The following RNF144B variants were observed in gnomAD, a reference collection of about 807,000 sequenced individuals.
RNF144B encodes the protein ring finger protein 144B, also known as E3 ubiquitin-protein ligase RNF144B.
Under a neutral mutation model 40.2 loss-of-function variants are expected in RNF144B, and 25 were observed. That is an observed-to-expected ratio of 0.62 (90% CI 0.45 to 0.87). The LOEUF is 0.87. Ranked by LOEUF, RNF144B falls within the 40% of genes least tolerant of loss-of-function variation. RNF144B has a pLI of 0.00. For synonymous variants in RNF144B, 145 were observed against 136.3 expected (o/e 1.06, Z -0.44); for missense variants, 365 against 373.7 (o/e 0.98, Z 0.19).
chr6:18,446,246 A>C lies in RNF144B; in HGVS notation c.331+6502A>C, dbSNP rs1208783788. ...GTATATAAGACAAAACTATTCTCTTAATGGGATACTGGAATTATAATACAT... is the reference window on the plus strand; with the variant it reads ...GTATATAAGACAAAACTATTCTCTTCATGGGATACTGGAATTATAATACAT... On this transcript the variant is annotated intron_variant, in intron 4 of 7. Transcript: ENST00000259939. The surrounding 1 kb of genome is among the most constrained non-coding windows in gnomAD (Gnocchi z 4.7). Among the ~76,000 whole-genome samples, 1 of 152,172 alleles carries C rather than the reference A, an allele frequency of 6.6e-6. No homozygotes were observed. The highest frequency in any genetic ancestry group is 1.5e-5 in the Non-Finnish European group (1 of 68,026).
chr6:18,443,737 A>G lies in RNF144B; in HGVS notation c.331+3993A>G, dbSNP rs1759017050. Among the ~76,000 whole-genome samples the G allele has an allele frequency of 6.6e-6, 1 of 152,212 alleles. No homozygotes were observed. Among genetic ancestry groups the G allele is most frequent in the Admixed American group, 6.5e-5 (1 of 15,278 alleles). The stretch of plus-strand genomic sequence containing the variant: ...ATCTAATTCTGTCTAAACTTTATCT[A>G]AATTATGTAAAATAGACTTCTTATC... On this transcript the variant is annotated intron_variant, in intron 4 of 7. Coordinates refer to ENST00000259939, the MANE Select transcript of RNF144B (RefSeq NM_182757.4). This position sits in a 1 kb window ranked among gnomAD's most constrained non-coding sequence, Gnocchi z 4.7.
chr6:18,391,590 A>C (rs2113451169), intron 1 of RNF144B, among the ~76,000 whole-genome samples: 1 of 152,302 alleles, frequency 6.6e-6, no homozygotes, highest in South Asian at 2.1e-4. Flanking sequence ...AGAAAAAGCC[A>C]GTTGCGGTGG....
chr6:18,442,876 A>AT lies in RNF144B; in HGVS notation c.331+3138dup, dbSNP rs1301639985. On this transcript the variant is annotated intron_variant, in intron 4 of 7. Coordinates refer to ENST00000259939, the MANE Select transcript of RNF144B (RefSeq NM_182757.4). The surrounding 1 kb of genome is among the most constrained non-coding windows in gnomAD (Gnocchi z 4.3). Reference sequence around the variant, plus strand: ...CTGTAGTAGCAGGTATAAGAATTTCATTTTTTAAGGCTGAATAACCTATTG... The same window carrying AT: ...CTGTAGTAGCAGGTATAAGAATTTCATTTTTTTAAGGCTGAATAACCTATTG... Among the ~76,000 whole-genome samples, 1 of 152,154 alleles carries AT rather than the reference A, an allele frequency of 6.6e-6. No individual in the cohort carries two copies. Among genetic ancestry groups the AT allele is most frequent in the Admixed American group, 6.5e-5 (1 of 15,278 alleles).
Position 18,459,508 on chromosome 6 carries a change from C to A in RNF144B, c.537-99C>A. ...CCCTTTCTTTTGGAAGTGAATTAAG[C>A]ATGGATAACTGTGAGTTCATTATCT... On this transcript the variant is annotated intron_variant, in intron 5 of 7. Coordinates refer to ENST00000259939, the MANE Select transcript of RNF144B (RefSeq NM_182757.4). This position sits in a 1 kb window ranked among gnomAD's most constrained non-coding sequence, Gnocchi z 4.2. 8.3e-7 allele frequency: 1 copy of A among 1,201,038 alleles called. No homozygotes were observed. The allele number at this position is 1,201,038 out of a possible 1,614,324, so 74.4% of individuals were successfully genotyped here.
chr6:18,409,191 AC>A (rs932355109), intron 2 of RNF144B, among the ~76,000 whole-genome samples: 3 of 151,860 alleles, frequency 2.0e-5, no homozygotes, highest in African/African-American at 7.3e-5. Context: ...CAGCCTAGCC[AC>A]CATGGTGAGA....
chr6:18,432,648 A>G (rs1484658161), intron 3 of RNF144B, among the ~76,000 whole-genome samples: 1 of 152,218 alleles, frequency 6.6e-6, no homozygotes, highest in Non-Finnish European at 1.5e-5. Flanking sequence ...AGCATCCATC[A>G]CTTCCTGGGA....
In RNF144B at chr6:18,443,592, C is replaced by A. The variant is rs572826821; in HGVS notation, c.331+3848C>A. ...GTGATTTTGGAAGGCAATTTGTAAT[C>A]GTGTAATTCTTCATTACCATCCGTT... On this transcript the variant is annotated intron_variant, in intron 4 of 7. Coordinates refer to ENST00000259939, the MANE Select transcript of RNF144B (RefSeq NM_182757.4). This position sits in a 1 kb window ranked among gnomAD's most constrained non-coding sequence, Gnocchi z 4.7. 6.6e-6 allele frequency among the ~76,000 whole-genome samples: 1 copy of A among 151,598 alleles called. No individual in the cohort carries two copies. The highest frequency in any genetic ancestry group is 1.5e-5 in the Non-Finnish European group (1 of 67,914).
chr6:18,415,468 AAG>A (rs1795132712), intron 2 of RNF144B, among the ~76,000 whole-genome samples: 1 of 152,160 alleles, frequency 6.6e-6, no homozygotes, highest in South Asian at 2.1e-4. Context: ...ATGGAAGGGC[AAG>A]AGAGCACTCC....
chr6:18,427,886 T>C lies in RNF144B; in HGVS notation c.270+201T>C, dbSNP rs113766522. 1.5e-3 allele frequency among the ~76,000 whole-genome samples: 223 copies of C among 152,362 alleles called. 1 individual carries two copies. Among genetic ancestry groups the C allele is most frequent in the African/African-American group, 5.1e-3 (212 of 41,584 alleles). On this transcript the variant is annotated intron_variant, in intron 3 of 7. Coordinates refer to ENST00000259939, the MANE Select transcript of RNF144B (RefSeq NM_182757.4). The stretch of plus-strand genomic sequence containing the variant: ...GTCATTTATCTCAGTTCTATTTACA[T>C]ATACCATCTTGAGTGTTGAAGAAGC...
At chr6:18,430,484 CTT>C (rs1462439019) in intron 3 of RNF144B, among the ~76,000 whole-genome samples, 3 of 29,952 alleles carry the variant, frequency 1.0e-4, no homozygotes, top group Non-Finnish European at 2.1e-4. Context: ...TTGCTTCTTG[CTT>C]TCTCTCTCTC....
In RNF144B at chr6:18,466,091, T is replaced by C. The variant is rs1288342549; in HGVS notation, c.*1024T>C. The C allele has an allele frequency of 6.6e-6, 1 of 152,238 alleles. No individual in the cohort carries two copies. The highest frequency in any genetic ancestry group is 1.9e-4 in the East Asian group (1 of 5,198). 9.4% of individuals were successfully genotyped at this position (152,238 alleles called of 1,614,324 possible). A position where few individuals can be genotyped will look rare whatever the true frequency, so the allele number is the denominator to read the frequency against. On this transcript the variant is annotated 3_prime_UTR_variant, in exon 8 of 8. Transcript: ENST00000259939. The stretch of plus-strand genomic sequence containing the variant: ...TACCCAATAGTACACACAAAATAAA[T>C]GTTTACTTAAGAGCCATTCTATCCT...
chr6:18,436,524 T>C (rs1224647200), intron 3 of RNF144B, among the ~76,000 whole-genome samples: 5 of 152,122 alleles, frequency 3.3e-5, no homozygotes, highest in Non-Finnish European at 7.4e-5. Context: ...TTAGGGGAAG[T>C]TGGGGGAATG....
chr6:18,434,693 C>T lies in RNF144B; in HGVS notation c.271-4991C>T, dbSNP rs1344421415. Among the ~76,000 whole-genome samples the T allele has an allele frequency of 6.6e-6, 1 of 152,154 alleles. No individual in the cohort carries two copies. The highest frequency in any genetic ancestry group is 1.5e-5 in the Non-Finnish European group (1 of 68,024). On this transcript the variant is annotated intron_variant, in intron 3 of 7. Coordinates refer to ENST00000259939, the MANE Select transcript of RNF144B (RefSeq NM_182757.4). This position sits in a 1 kb window ranked among gnomAD's most constrained non-coding sequence, Gnocchi z 4.1. ...CTGGAATGCAGTGGTGCGATCTCGG[C>T]TCACTGCAAGCTCCGCCTCCCAGGT...
chr6:18,399,466 A>G, intron 1 of RNF144B, 33 bp from the exon 2 acceptor site: 2 of 1,455,626 alleles, frequency 1.4e-6, no homozygotes, highest in Non-Finnish European at 9.5e-7. Context: ...TTATCAATCC[A>G]TATAATATTT....
At chr6:18,387,860 G>C (rs1794492929) in intron 1 of RNF144B, among the ~76,000 whole-genome samples, 1 of 152,282 alleles carries the variant, frequency 6.6e-6, no homozygotes, top group African/African-American at 2.4e-5. Context: ...TAATAAAACA[G>C]TTTCTATAAT....
intron 1 of RNF144B, among the ~76,000 whole-genome samples, chr6:18,387,832 G>C (rs539293798): frequency 6.6e-6 from 1 of 152,316 alleles, no homozygotes; most frequent in Non-Finnish European, 1.5e-5. Flanking sequence ...CTTTGTTAAA[G>C]GAAAGTAGTT....
intron 2 of RNF144B, among the ~76,000 whole-genome samples, chr6:18,415,214 C>T (rs773372903): frequency 1.2e-4 from 18 of 152,174 alleles, no homozygotes; most frequent in South Asian, 4.1e-4. Flanking sequence ...GGGGGCTGAC[C>T]GTATACCAAC....
At chr6:18,387,912 T>C (rs1794495011) in intron 1 of RNF144B, among the ~76,000 whole-genome samples, 1 of 152,342 alleles carries the variant, frequency 6.6e-6, no homozygotes, top group South Asian at 2.1e-4. Flanking sequence ...GACCTCTCCC[T>C]AGGTCTTAAG....
chr6:18,419,224 T>C lies in RNF144B; in HGVS notation c.166-8357T>C, dbSNP rs1228386149. On this transcript the variant is annotated intron_variant, in intron 2 of 7. Transcript: ENST00000259939. The surrounding 1 kb of genome is among the most constrained non-coding windows in gnomAD (Gnocchi z 4.6). ...CATCCACCCCTCCTCCTCCTGCCTATGGCTTTTTATTAAGGATACCCTTCC... is the reference window on the plus strand; with the variant it reads ...CATCCACCCCTCCTCCTCCTGCCTACGGCTTTTTATTAAGGATACCCTTCC... 6.6e-6 allele frequency among the ~76,000 whole-genome samples: 1 copy of C among 152,194 alleles called. No homozygotes were observed. The highest frequency in any genetic ancestry group is 1.5e-5 in the Non-Finnish European group (1 of 68,032).
Sources: allele counts gnomAD v4.1 joint callset (sites outside exome capture counted in the v4.1 genomes callset), GRCh38; gene constraint gnomAD v4.1.1; non-coding constraint Gnocchi (gnomAD v3.1); transcripts MANE v1.5; gene names NCBI Gene and HGNC (gene_info 2026-07-23, HGNC 2026-07-21).